ACOXL: variants seen among roughly 807,000 people sequenced by gnomAD.
The protein encoded by ACOXL is acyl-CoA oxidase like, also known as acyl-coenzyme A oxidase-like protein.
Under a neutral mutation model 71.9 loss-of-function variants are expected in ACOXL, and 70 were observed. The ratio of observed to expected loss-of-function variants is 0.97; its 90% confidence interval spans 0.80 to 1.19. The LOEUF is 1.19. ACOXL is among the 50% of genes most tolerant of loss of function. The pLI, the probability that ACOXL is intolerant of heterozygous loss-of-function variation, is 0.00. For synonymous variants in ACOXL, 253 were observed against 281.6 expected, an observed-to-expected ratio of 0.90 and a Z score of 1.02; for missense variants, 703 against 736.3, an observed-to-expected ratio of 0.95 and a Z score of 0.52.
chr2:110,897,576 C>T (rs1390537231), intron 10 of ACOXL, among the ~76,000 whole-genome samples: 1 of 152,168 alleles, frequency 6.6e-6, no homozygotes, highest in African/African-American at 2.4e-5. Context: ...GGGCCGAGCC[C>T]TTATGACCTA....
chr2:110,951,799 G>A (rs943249836), intron 12 of ACOXL, among the ~76,000 whole-genome samples: 1 of 152,144 alleles, frequency 6.6e-6, no homozygotes, highest in African/African-American at 2.4e-5. Context: ...ATTTTCTAAT[G>A]TTAACAAATC....
intron 11 of ACOXL, among the ~76,000 whole-genome samples, chr2:110,927,607 C>CTGG: frequency 6.6e-6 from 1 of 152,292 alleles, no homozygotes; most frequent in Middle Eastern, 3.4e-3. Context: ...AATAAGGAGC[C>CTGG]CCCATATAAG....
chr2:110,982,970 C>G (rs999684285), intron 12 of ACOXL, among the ~76,000 whole-genome samples: 1 of 152,144 alleles, frequency 6.6e-6, no homozygotes, highest in Non-Finnish European at 1.5e-5. Context: ...GCGTTGGGCC[C>G]CAAATTATGT....
At chr2:111,001,032 C>T (rs1213628563) in intron 14 of ACOXL, among the ~76,000 whole-genome samples, 1 of 152,202 alleles carries the variant, frequency 6.6e-6, no homozygotes. Context: ...CAAGGCATGA[C>T]TGTAAAATTC....
intron 1 of ACOXL, among the ~76,000 whole-genome samples, chr2:110,745,310 T>C (rs1678060045): frequency 6.6e-6 from 1 of 152,172 alleles, no homozygotes; most frequent in Non-Finnish European, 1.5e-5. Context: ...GGGACCCTTT[T>C]TGGTTTTCAG....
chr2:110,743,839 C>T (rs1573295865), intron 1 of ACOXL, among the ~76,000 whole-genome samples: 1 of 152,246 alleles, frequency 6.6e-6, no homozygotes, highest in East Asian at 1.9e-4. Flanking sequence ...TGTGCCTACA[C>T]ATTTCTCCTC....
intron 14 of ACOXL, among the ~76,000 whole-genome samples, chr2:111,014,296 C>T (rs1384796): frequency 0.9 from 136,763 of 152,296 alleles, 61,669 homozygotes; most frequent in African/African-American, 0.97. Flanking sequence ...GGCTACAGGA[C>T]ACAAACTCAA....
At chr2:111,115,182 T>C (rs1318705156) in intron 17 of ACOXL, among the ~76,000 whole-genome samples, 1 of 152,224 alleles carries the variant, frequency 6.6e-6, no homozygotes, top group Non-Finnish European at 1.5e-5. Context: ...TTGTCCAGCA[T>C]AAATGGGTCA....
At chr2:110,917,405 A>C (rs2059904040) in intron 11 of ACOXL, among the ~76,000 whole-genome samples, 1 of 152,212 alleles carries the variant, frequency 6.6e-6, no homozygotes, top group Non-Finnish European at 1.5e-5. Flanking sequence ...AACATATCTC[A>C]AAAGAATAAG....
At chr2:110,799,281 C>T (rs951743926) in intron 7 of ACOXL, among the ~76,000 whole-genome samples, 181 bp downstream of exon 7, 6 of 152,144 alleles carry the variant, frequency 3.9e-5, no homozygotes, top group Non-Finnish European at 5.9e-5. Context: ...TCAGGAATGT[C>T]GTAGATTGCC....
intron 15 of ACOXL, among the ~76,000 whole-genome samples, chr2:111,038,261 C>A (rs1329485898): frequency 6.6e-6 from 1 of 152,234 alleles, no homozygotes; most frequent in Non-Finnish European, 1.5e-5. Flanking sequence ...AGACTCAAAT[C>A]CCAGCAGGCT....
chr2:110,807,599 C>T (rs1686824491), intron 9 of ACOXL, among the ~76,000 whole-genome samples: 1 of 152,176 alleles, frequency 6.6e-6, no homozygotes, highest in Non-Finnish European at 1.5e-5. Context: ...CCTATCCAGA[C>T]CTTGCCAGGC....
chr2:110,754,520 C>T (rs927504544), intron 1 of ACOXL, among the ~76,000 whole-genome samples: 1 of 152,316 alleles, frequency 6.6e-6, no homozygotes, highest in East Asian at 1.9e-4. Flanking sequence ...CTGATATGTT[C>T]TCCATTACCT....
intron 10 of ACOXL, among the ~76,000 whole-genome samples, chr2:110,906,727 T>C (rs992129431): frequency 6.6e-6 from 1 of 152,124 alleles, no homozygotes. Flanking sequence ...CATGGGGCCA[T>C]GCCCAAGGCT....
At position 110,959,502 on chromosome 2, in the gene ACOXL, G is replaced by A. The variant is rs141066702; in HGVS notation, c.1059+25860G>A. On this transcript the variant is annotated intron_variant, in intron 12 of 17. Coordinates refer to ENST00000439055, the MANE Select transcript of ACOXL (RefSeq NM_001142807.4). ...TCCCCCTGAAAACAGCTGATGGCCC[G>A]TTGTCACTAGAGCCCAGGAGGGGCT... 3.9e-5 allele frequency among the ~76,000 whole-genome samples: 6 copies of A among 152,200 alleles called. No individual in the cohort carries two copies. In the East Asian group the frequency reaches 9.7e-4, roughly 24 times the overall value.
At chr2:110,802,145 G>T (rs1252864602) in intron 8 of ACOXL, among the ~76,000 whole-genome samples, 1 of 152,102 alleles carries the variant, frequency 6.6e-6, no homozygotes, top group African/African-American at 2.4e-5. Context: ...TCACTATAAT[G>T]GACTGTTAAA....
At chr2:110,968,750 C>T (rs2062043719) in intron 12 of ACOXL, 1 of 297,740 alleles carries the variant, frequency 3.4e-6, no homozygotes, top group Non-Finnish European at 5.7e-6. Flanking sequence ...GACGATTTTT[C>T]AGATAAAGAC....
At chr2:110,795,417 T>A (rs1023634342) in intron 5 of ACOXL, among the ~76,000 whole-genome samples, 1 of 152,208 alleles carries the variant, frequency 6.6e-6, no homozygotes, top group African/African-American at 2.4e-5. Flanking sequence ...TCAAACTCCC[T>A]CTGTGTAGTA....
At chr2:110,838,369 C>T (rs144359441) in intron 9 of ACOXL, among the ~76,000 whole-genome samples, 62 of 152,118 alleles carry the variant, frequency 4.1e-4, no homozygotes, top group East Asian at 1.9e-3. Flanking sequence ...CGTGTGTGTG[C>T]GCACACACAG....
Sources: gnomAD v4.1 joint callset for allele counts (sites outside exome capture counted in the v4.1 genomes callset) on GRCh38, gnomAD v4.1.1 for gene constraint, MANE v1.5 for transcripts, NCBI Gene and HGNC (gene_info 2026-07-23, HGNC 2026-07-21) for gene names.